The following USO1 variants were observed in gnomAD, a reference collection of about 807,000 sequenced individuals.
The protein encoded by USO1 is general vesicular transport factor p115.
In USO1, 57 loss-of-function variants were observed where a neutral mutation model predicts 124.5. That is an observed-to-expected ratio of 0.46 (90% CI 0.37 to 0.57). USO1 has a LOEUF of 0.57. Ranked by LOEUF, USO1 falls within the 20% of genes least tolerant of loss-of-function variation. USO1 has a pLI of 0.00. For missense variants in USO1, 900 were observed against 1,040.6 expected, an observed-to-expected ratio of 0.86 and a Z score of 1.86; for synonymous variants, 369 against 362.8, an observed-to-expected ratio of 1.02 and a Z score of -0.19.
At position 75,799,983 on chromosome 4, in the gene USO1, G is replaced by T. The variant is rs1199195416; in HGVS notation, c.1563+251G>T. On this transcript the variant is annotated intron_variant, in intron 14 of 23. Transcript: ENST00000514213. ...TTTTGAAATGAAGTCTTGCTCTGTCGCCCAGGCTGGAGTGTAGTGGCGCGA... is the reference window on the plus strand; with the variant it reads ...TTTTGAAATGAAGTCTTGCTCTGTCTCCCAGGCTGGAGTGTAGTGGCGCGA... Among the ~76,000 whole-genome samples the T allele has an allele frequency of 2.0e-5, 3 of 148,992 alleles. No homozygotes were observed. In the South Asian group the frequency reaches 6.4e-4, roughly 32 times the overall value.
chr4:75,731,300 G>C (rs181723976), intron 1 of USO1, among the ~76,000 whole-genome samples: 4 of 152,162 alleles, frequency 2.6e-5, no homozygotes, highest in Non-Finnish European at 5.9e-5. Context: ...GGTGGCTCAC[G>C]CCTGTAATCC....
At chr4:75,812,399 A>G in intron 23 of USO1, 24 bp downstream of exon 23, 1 of 1,541,192 alleles carries the variant, frequency 6.5e-7, no homozygotes, top group East Asian at 2.4e-5. Flanking sequence ...GTCTCCAAAA[A>G]TGATTTGTAT....
At chr4:75,755,741 C>T (rs1721423233) in intron 3 of USO1, among the ~76,000 whole-genome samples, 1 of 152,098 alleles carries the variant, frequency 6.6e-6, no homozygotes, top group South Asian at 2.1e-4. Flanking sequence ...GAATTATGGC[C>T]TCCCAAAGAT....
chr4:75,763,367 C>A (rs1473622534), intron 4 of USO1, among the ~76,000 whole-genome samples: 1 of 152,102 alleles, frequency 6.6e-6, no homozygotes, highest in African/African-American at 2.4e-5. Flanking sequence ...TTTTCACCTT[C>A]AGTACAGTAT....
chr4:75,749,988 C>T (rs1201012002), intron 1 of USO1, among the ~76,000 whole-genome samples: 3 of 152,024 alleles, frequency 2.0e-5, no homozygotes, highest in Non-Finnish European at 4.4e-5. Context: ...CTCCTGACCT[C>T]GTGATCCACC....
At chr4:75,812,118 G>T (rs1461557290) in intron 22 of USO1, 42 bp from the exon 23 acceptor site, 1 of 1,556,320 alleles carries the variant, frequency 6.4e-7, no homozygotes, top group Non-Finnish European at 8.7e-7. Context: ...AGGAAAGTGA[G>T]TGCTAATTTT....
chr4:75,727,334 G>A (rs759722188), intron 1 of USO1, among the ~76,000 whole-genome samples: 28 of 152,264 alleles, frequency 1.8e-4, no homozygotes, highest in African/African-American at 6.3e-4. Flanking sequence ...TATCACTTGC[G>A]TATGTTGTAT....
At chr4:75,792,995 CA>C (rs1722573198) in intron 12 of USO1, among the ~76,000 whole-genome samples, 2 of 151,996 alleles carry the variant, frequency 1.3e-5, no homozygotes, top group African/African-American at 4.8e-5. Context: ...TAAGTGAGAA[CA>C]AATGTTAGTC....
chr4:75,811,260 A>C (rs1723140423), intron 22 of USO1, among the ~76,000 whole-genome samples: 1 of 151,668 alleles, frequency 6.6e-6, no homozygotes, highest in Non-Finnish European at 1.5e-5. Context: ...GATTCAAGCG[A>C]TTCTCCTGCC....
At chr4:75,789,408 A>G (rs559054617) in intron 10 of USO1, among the ~76,000 whole-genome samples, 53 of 152,072 alleles carry the variant, frequency 3.5e-4, no homozygotes, top group African/African-American at 1.3e-3. Context: ...CTCACAAGTA[A>G]TGGGGATTAT....
At chr4:75,807,275 A>C (rs1014232818) in intron 20 of USO1, among the ~76,000 whole-genome samples, 3 of 152,132 alleles carry the variant, frequency 2.0e-5, no homozygotes, top group African/African-American at 7.2e-5. Context: ...ATTATCCCTA[A>C]ACAGGTTCTG....
At chr4:75,757,599 G>GTT (rs1198263905) in intron 4 of USO1, 26 bp downstream of exon 4, 2 of 1,444,860 alleles carry the variant, frequency 1.4e-6, no homozygotes, top group Non-Finnish European at 1.8e-6. Flanking sequence ...TTTTTACTGT[G>GTT]TTTTCTGTAC....
At position 75,810,842 on chromosome 4, in the gene USO1, C is replaced by T. The variant is rs571223404; in HGVS notation, c.2583+303C>T. On this transcript the variant is annotated intron_variant, in intron 22 of 23. Coordinates refer to ENST00000514213, the MANE Select transcript of USO1 (RefSeq NM_003715.4). ...GCCTCCCAGGTTCAAGCAATTCTCC[C>T]GCCTCAACCTACTGAGTAGCTGGGA... is the stretch of plus-strand genomic sequence containing the variant. Among the ~76,000 whole-genome samples the T allele has an allele frequency of 5.9e-3, 903 of 152,070 alleles. 15 individuals carry two copies. Among genetic ancestry groups the T allele is most frequent in the African/African-American group, 0.021 (852 of 41,484 alleles).
intron 1 of USO1, among the ~76,000 whole-genome samples, chr4:75,742,807 T>C (rs1721000919): frequency 6.6e-6 from 1 of 152,198 alleles, no homozygotes; most frequent in Admixed American, 6.5e-5. Flanking sequence ...CCAACTTTCC[T>C]ATCATGTAGA....
Position 75,726,205 on chromosome 4 carries a change from CGG to C in USO1, c.66+1322_66+1323del, listed in dbSNP as rs370044914. On this transcript the variant is annotated intron_variant, in intron 1 of 23. Transcript: ENST00000514213. Reference sequence around the variant, plus strand: ...CTGAGGCAGGAGAATCGCTTGAACTCGGGAGGCGGAGGTTACGGTGAGCAGAG... The same window carrying C: ...CTGAGGCAGGAGAATCGCTTGAACTCGAGGCGGAGGTTACGGTGAGCAGAG... Among the ~76,000 whole-genome samples the C allele has an allele frequency of 2.0e-3, 291 of 142,016 alleles. 1 individual carries two copies. The highest frequency in any genetic ancestry group is 7.7e-3 in the African/African-American group (281 of 36,524). 93.2% of individuals were successfully genotyped at this position (142,016 alleles called of 152,430 possible).
At chr4:75,747,071 T>C (rs1255303840) in intron 1 of USO1, among the ~76,000 whole-genome samples, 2 of 152,204 alleles carry the variant, frequency 1.3e-5, no homozygotes, top group African/African-American at 4.8e-5. Flanking sequence ...TAAGACATCC[T>C]CTATATCATA....
intron 3 of USO1, among the ~76,000 whole-genome samples, chr4:75,755,123 T>C (rs181480805): frequency 1.1e-3 from 160 of 152,320 alleles, no homozygotes; most frequent in African/African-American, 3.8e-3. Flanking sequence ...CAGAGCAAAC[T>C]ATCCTAGAGA....
rs1160093887 is a variant in USO1, at chr4:75,725,612, T to C, written c.66+727T>C. 2.7e-5 allele frequency among the ~76,000 whole-genome samples: 3 copies of C among 111,166 alleles called. No homozygotes were observed. The East Asian group carries it at 1.3e-3, about 47-fold the overall frequency. 72.9% of individuals were successfully genotyped at this position (111,166 alleles called of 152,430 possible). On this transcript the variant is annotated intron_variant, in intron 1 of 23. Transcript: ENST00000514213. Reference sequence around the variant, plus strand: ...ACTCCTAATGACATGATTTGCGGCGTTATTTAAAAAAAAAAAAAAATGGTT... The same window carrying C: ...ACTCCTAATGACATGATTTGCGGCGCTATTTAAAAAAAAAAAAAAATGGTT...
intron 13 of USO1, among the ~76,000 whole-genome samples, chr4:75,796,635 G>A (rs1722690697): frequency 6.6e-6 from 1 of 151,982 alleles, no homozygotes; most frequent in Admixed American, 6.6e-5. Context: ...ACCGCGCCCA[G>A]CCCGCAGCTT....
Sources: gnomAD v4.1 joint callset for allele counts (sites outside exome capture counted in the v4.1 genomes callset) on GRCh38, gnomAD v4.1.1 for gene constraint, MANE v1.5 for transcripts, NCBI Gene and HGNC (gene_info 2026-07-23, HGNC 2026-07-21) for gene names.